The following LRRTM3 variants were observed in gnomAD, a reference collection of about 807,000 sequenced individuals.
The protein encoded by LRRTM3 is leucine rich repeat transmembrane neuronal 3, also known as leucine-rich repeat transmembrane neuronal protein 3.
A neutral mutation model predicts 44.7 loss-of-function variants in LRRTM3; 24 were observed. That is an observed-to-expected ratio of 0.54 (90% confidence interval 0.39 to 0.76). The LOEUF is 0.76. Among genes scored for constraint, LRRTM3 ranks in the 30% least tolerant of loss-of-function variants. LRRTM3 has a pLI of 0.00. For missense variants in LRRTM3, 587 were observed against 702.2 expected (o/e 0.84, Z 1.85); for synonymous variants, 277 against 278.7 (o/e 0.99, Z 0.06).
At chr10:67,008,581 G>A (rs1473041792) in intron 2 of LRRTM3, among the ~76,000 whole-genome samples, 3 of 152,112 alleles carry the variant, frequency 2.0e-5, no homozygotes, top group Admixed American at 1.3e-4. Flanking sequence ...GGCTGGCCTG[G>A]CTCATCTCTG....
intron 2 of LRRTM3, among the ~76,000 whole-genome samples, chr10:66,996,211 T>A (rs1483815368): frequency 1.3e-5 from 2 of 152,204 alleles, no homozygotes; most frequent in Non-Finnish European, 2.9e-5. Flanking sequence ...TGATATTATA[T>A]AATTAGAGAT....
At chr10:66,940,186 T>C (rs1193205936) in intron 2 of LRRTM3, among the ~76,000 whole-genome samples, 1 of 152,154 alleles carries the variant, frequency 6.6e-6, no homozygotes, top group Non-Finnish European at 1.5e-5. Context: ...TTTGCATTAA[T>C]CTACTTTAGA....
intron 2 of LRRTM3, among the ~76,000 whole-genome samples, chr10:66,939,808 A>C (rs1048963017): frequency 6.6e-6 from 1 of 152,188 alleles, no homozygotes; most frequent in Non-Finnish European, 1.5e-5. Flanking sequence ...GACTTTTGAG[A>C]ACCTTGCAGT....
intron 2 of LRRTM3, among the ~76,000 whole-genome samples, chr10:67,046,589 A>G (rs780753418): frequency 6.6e-6 from 1 of 152,154 alleles, no homozygotes; most frequent in African/African-American, 2.4e-5. Flanking sequence ...ACATTTTATA[A>G]TCTATGATCT....
chr10:66,962,810 T>G lies in LRRTM3; in HGVS notation c.1536+34358T>G, dbSNP rs118001404. Reference sequence around the variant, plus strand: ...AGAATTGTTTCTCCTTATTTTACTGTTCTCCAAAGCAATTATCACCATATA... The same window carrying G: ...AGAATTGTTTCTCCTTATTTTACTGGTCTCCAAAGCAATTATCACCATATA... On this transcript the variant is annotated intron_variant, in intron 2 of 2. Coordinates refer to ENST00000361320, the MANE Select transcript of LRRTM3 (RefSeq NM_178011.5). Among the ~76,000 whole-genome samples, 1,413 of 152,290 alleles carry G rather than the reference T, an allele frequency of 9.3e-3. 12 individuals are homozygous for G. Among genetic ancestry groups the G allele is most frequent in the Non-Finnish European group, 0.014 (960 of 68,030 alleles).
intron 2 of LRRTM3, among the ~76,000 whole-genome samples, chr10:67,088,147 A>G (rs1857415850): frequency 6.6e-6 from 1 of 151,570 alleles, no homozygotes. Flanking sequence ...ATGGGGAGAT[A>G]AGAAATGCTT....
intron 2 of LRRTM3, among the ~76,000 whole-genome samples, chr10:66,965,229 G>T (rs938170869): frequency 6.6e-6 from 1 of 151,070 alleles, no homozygotes; most frequent in African/African-American, 2.4e-5. Flanking sequence ...GGGTTTTTTT[G>T]GGGTTTTTTT....
At chr10:66,967,105 T>C (rs1175379935) in intron 2 of LRRTM3, among the ~76,000 whole-genome samples, 3 of 152,170 alleles carry the variant, frequency 2.0e-5, no homozygotes, top group South Asian at 4.1e-4. Context: ...ATTAGGAACG[T>C]TGATGGTTCT....
At chr10:67,015,139 G>A (rs953534175) in intron 2 of LRRTM3, 1 of 152,048 alleles carries the variant, frequency 6.6e-6, no homozygotes, top group Non-Finnish European at 1.5e-5. Context: ...TGTAGTTAGG[G>A]AAATTAACTG....
chr10:67,085,572 TA>T (rs1413412179), intron 2 of LRRTM3, among the ~76,000 whole-genome samples: 1 of 152,032 alleles, frequency 6.6e-6, no homozygotes, highest in Non-Finnish European at 1.5e-5. Context: ...AGAAGTATTT[TA>T]TTGCATAAGA....
chr10:66,982,701 A>G (rs1469199160), intron 2 of LRRTM3, among the ~76,000 whole-genome samples: 1 of 152,232 alleles, frequency 6.6e-6, no homozygotes, highest in Non-Finnish European at 1.5e-5. Flanking sequence ...TCAGATGGCA[A>G]AAGATAAGCT....
chr10:67,037,660 A>C (rs561107699), intron 2 of LRRTM3, among the ~76,000 whole-genome samples: 1 of 152,182 alleles, frequency 6.6e-6, no homozygotes, highest in Non-Finnish European at 1.5e-5. Context: ...TGAGGAACTA[A>C]GTAGAAAGTT....
intron 2 of LRRTM3, among the ~76,000 whole-genome samples, chr10:67,010,010 G>A (rs1223386167): frequency 6.6e-6 from 1 of 151,950 alleles, no homozygotes; most frequent in Non-Finnish European, 1.5e-5. Context: ...GAGGCTTTAG[G>A]GATTCAAACT....
chr10:67,052,313 A>ACTCTCT (rs3841706), intron 2 of LRRTM3, among the ~76,000 whole-genome samples: 1,428 of 121,028 alleles, frequency 0.012, 34 homozygotes, highest in African/African-American at 0.027. Flanking sequence ...CCCACTCATC[A>ACTCTCT]CTCTCTCTCT....
chr10:67,038,946 T>C (rs1202713554), intron 2 of LRRTM3, among the ~76,000 whole-genome samples: 3 of 152,052 alleles, frequency 2.0e-5, no homozygotes, highest in Non-Finnish European at 4.4e-5. Flanking sequence ...TAAAAAATAG[T>C]CTTTTGAGAA....
chr10:67,004,159 T>A (rs1007034414), intron 2 of LRRTM3, among the ~76,000 whole-genome samples: 1 of 151,724 alleles, frequency 6.6e-6, no homozygotes, highest in Non-Finnish European at 1.5e-5. Flanking sequence ...TGTATTTGAG[T>A]AGTGACAAAT....
At chr10:67,004,700 T>A (rs974403909) in intron 2 of LRRTM3, among the ~76,000 whole-genome samples, 1 of 152,212 alleles carries the variant, frequency 6.6e-6, no homozygotes, top group Non-Finnish European at 1.5e-5. Context: ...TTCAAAAGAC[T>A]AGTATACTCA....
At chr10:67,033,603 T>C (rs757450401) in intron 2 of LRRTM3, among the ~76,000 whole-genome samples, 2 of 152,190 alleles carry the variant, frequency 1.3e-5, no homozygotes, top group East Asian at 1.9e-4. Flanking sequence ...TAACTACATA[T>C]TGTAACTCAT....
chr10:66,996,649 CAAAA>C lies in LRRTM3; in HGVS notation c.1536+68216_1536+68219del, dbSNP rs57025097. Among the ~76,000 whole-genome samples, 587 of 67,644 alleles carry C rather than the reference CAAAA, an allele frequency of 8.7e-3. 2 individuals are homozygous for C. Among genetic ancestry groups the C allele is most frequent in the African/African-American group, 0.033 (558 of 16,854 alleles). The allele number at this position is 67,644 out of a possible 152,430, so 44.4% of individuals were successfully genotyped here. Reference sequence around the variant, plus strand: ...GTGAGAGAGTGAGACTCCGTCTCTACAAAAAAAAAAAAAAAAAAAAAAGCATGTT... The same window carrying C: ...GTGAGAGAGTGAGACTCCGTCTCTACAAAAAAAAAAAAAAAAAAGCATGTT... On this transcript the variant is annotated intron_variant, in intron 2 of 2. Coordinates refer to ENST00000361320, the MANE Select transcript of LRRTM3 (RefSeq NM_178011.5).
Sources: allele counts gnomAD v4.1 joint callset (sites outside exome capture counted in the v4.1 genomes callset), GRCh38; gene constraint gnomAD v4.1.1; transcripts MANE v1.5; gene names NCBI Gene and HGNC (gene_info 2026-07-23, HGNC 2026-07-21).